EPHA6: variants seen among roughly 807,000 people sequenced by gnomAD.
EPHA6 encodes the protein EPH receptor A6.
A neutral mutation model predicts 112.0 loss-of-function variants in EPHA6; 50 were observed. The observed-to-expected ratio is 0.45, with a 90% CI of 0.36 to 0.56. EPHA6 has a LOEUF of 0.56. EPHA6 is among the 20% of genes least tolerant of loss of function. EPHA6 has a pLI of 0.00. For missense variants in EPHA6, 1,280 were observed against 1,417.4 expected, an observed-to-expected ratio of 0.90 and a Z score of 1.56; for synonymous variants, 529 against 490.7, an observed-to-expected ratio of 1.08 and a Z score of -1.03.
At chr3:97,201,407 T>C (rs1340933835) in intron 3 of EPHA6, among the ~76,000 whole-genome samples, 1 of 152,120 alleles carries the variant, frequency 6.6e-6, no homozygotes, top group East Asian at 1.9e-4. Flanking sequence ...ATAGGAAAAT[T>C]GAAAGTTACC....
chr3:97,443,316 C>A (rs1168396231), intron 6 of EPHA6, among the ~76,000 whole-genome samples: 4 of 147,502 alleles, frequency 2.7e-5, no homozygotes, highest in African/African-American at 1.0e-4. Flanking sequence ...AGTCCTCTAG[C>A]CAGTAGAACA....
chr3:97,700,009 T>G (rs2033282565), intron 14 of EPHA6, among the ~76,000 whole-genome samples: 1 of 152,188 alleles, frequency 6.6e-6, no homozygotes, highest in East Asian at 1.9e-4. Context: ...CCAGGGCAAC[T>G]GGATGGAGGG....
rs745721319 is a variant in EPHA6 at position 97,624,202 on chromosome 3, A to G, written c.2574+13348A>G. On this transcript the variant is annotated intron_variant, in intron 13 of 17. Coordinates refer to ENST00000389672, the MANE Select transcript of EPHA6 (RefSeq NM_001080448.3). The stretch of plus-strand genomic sequence containing the variant: ...CATACATATAGCTTTTATTATGTCA[A>G]AGTAATTTTCTTTTATTCCTAGCTT... Among the ~76,000 whole-genome samples, 8 of 151,636 alleles carry G rather than the reference A, an allele frequency of 5.3e-5. No homozygotes were observed. In the East Asian group the frequency reaches 9.7e-4, roughly 18 times the overall value.
Position 97,217,436 on chromosome 3 carries a change from A to G in EPHA6, c.1115-8828A>G, listed in dbSNP as rs74466504. 9.1e-4 allele frequency among the ~76,000 whole-genome samples: 138 copies of G among 152,328 alleles called. 1 individual carries two copies. The highest frequency in any genetic ancestry group is 6.8e-3 in the Middle Eastern group (2 of 294). On this transcript the variant is annotated intron_variant, in intron 3 of 17. Coordinates refer to ENST00000389672, the MANE Select transcript of EPHA6 (RefSeq NM_001080448.3). Reference sequence around the variant, plus strand: ...TAGCAAGGTAGAATTAAACCTAAGAATATCAATAATCACATTAAATATAAA... The same window carrying G: ...TAGCAAGGTAGAATTAAACCTAAGAGTATCAATAATCACATTAAATATAAA...
rs370044241 is a variant in EPHA6 at position 96,970,690 on chromosome 3, T to C, written c.451-16640T>C. On this transcript the variant is annotated intron_variant, in intron 2 of 17. Coordinates refer to ENST00000389672, the MANE Select transcript of EPHA6 (RefSeq NM_001080448.3). ...GAGGCTTGTGTGGGAAGCTCTATGATGAAAAGACAACGTCCTTGTCCTAAC... is the reference window on the plus strand; with the variant it reads ...GAGGCTTGTGTGGGAAGCTCTATGACGAAAAGACAACGTCCTTGTCCTAAC... Among the ~76,000 whole-genome samples, 23 of 152,226 alleles carry C rather than the reference T, an allele frequency of 1.5e-4. No individual in the cohort carries two copies. The East Asian group carries it at 4.2e-3, about 28-fold the overall frequency.
At chr3:97,639,554 T>A (rs1275810211) in intron 14 of EPHA6, among the ~76,000 whole-genome samples, 1 of 152,116 alleles carries the variant, frequency 6.6e-6, no homozygotes, top group Non-Finnish European at 1.5e-5. Flanking sequence ...TGATGGGAAA[T>A]TACTACACTC....
intron 14 of EPHA6, among the ~76,000 whole-genome samples, chr3:97,641,043 C>A (rs2093999194): frequency 6.6e-6 from 1 of 152,086 alleles, no homozygotes; most frequent in Admixed American, 6.5e-5. Flanking sequence ...TTAAAGATGG[C>A]ACTAATATTT....
chr3:97,082,699 G>A (rs1460144752), intron 3 of EPHA6, among the ~76,000 whole-genome samples: 1 of 151,812 alleles, frequency 6.6e-6, no homozygotes, highest in African/African-American at 2.4e-5. Context: ...AGAAGAATCA[G>A]TGATATGCGT....
intron 3 of EPHA6, among the ~76,000 whole-genome samples, chr3:97,204,077 G>C (rs943571564): frequency 6.6e-6 from 1 of 152,038 alleles, no homozygotes; most frequent in Non-Finnish European, 1.5e-5. Context: ...TTTTTACTAA[G>C]TGACAGTGTA....
intron 5 of EPHA6, among the ~76,000 whole-genome samples, chr3:97,399,656 A>G (rs1577243287): frequency 6.6e-6 from 1 of 151,446 alleles, no homozygotes; most frequent in Non-Finnish European, 1.5e-5. Flanking sequence ...GTTTATTGTA[A>G]TTTTGATTTA....
At chr3:97,082,350 T>C (rs2046748745) in intron 3 of EPHA6, among the ~76,000 whole-genome samples, 1 of 151,956 alleles carries the variant, frequency 6.6e-6, no homozygotes, top group Non-Finnish European at 1.5e-5. Context: ...ATGTGCTAAA[T>C]AGCGTGTTAT....
chr3:97,759,423 G>T lies in EPHA6; in HGVS notation c.*10722G>T. On this transcript the variant is annotated 3_prime_UTR_variant, in exon 18 of 18. Coordinates refer to ENST00000389672, the MANE Select transcript of EPHA6 (RefSeq NM_001080448.3). ...AGCAAGAGAAATAGGATAATAGCTG[G>T]AGAAAGGAAGTCAAGGAATTGTCTT... 1 of 227,144 alleles carries T rather than the reference G, an allele frequency of 4.4e-6. No individual in the cohort carries two copies. Among genetic ancestry groups the T allele is most frequent in the East Asian group, 6.3e-5 (1 of 15,828 alleles). The allele number at this position is 227,144 out of a possible 1,614,324, so 14.1% of individuals were successfully genotyped here.
At chr3:96,819,341 T>C (rs1028737470) in intron 1 of EPHA6, among the ~76,000 whole-genome samples, 4 of 152,068 alleles carry the variant, frequency 2.6e-5, no homozygotes, top group Non-Finnish European at 5.9e-5. Flanking sequence ...CTTCTTTGTT[T>C]CTTCACTAAT....
At chr3:96,837,027 T>C (rs2034458980) in intron 1 of EPHA6, among the ~76,000 whole-genome samples, 1 of 151,896 alleles carries the variant, frequency 6.6e-6, no homozygotes. Context: ...AAAAAGAAAA[T>C]GGCACTATGT....
chr3:97,424,680 C>A (rs1449101954), intron 6 of EPHA6, among the ~76,000 whole-genome samples: 1 of 151,784 alleles, frequency 6.6e-6, no homozygotes, highest in Non-Finnish European at 1.5e-5. Flanking sequence ...GTGGTGGGCA[C>A]CTGTAATCCC....
At chr3:97,027,386 T>C (rs2856472) in intron 3 of EPHA6, among the ~76,000 whole-genome samples, 142,037 of 152,040 alleles carry the variant, frequency 0.93, 66,415 homozygotes, top group East Asian at 0.98. Context: ...AACAAACCCC[T>C]ATGACACAAG....
At chr3:97,014,752 G>A (rs1323690016) in intron 3 of EPHA6, among the ~76,000 whole-genome samples, 1 of 152,136 alleles carries the variant, frequency 6.6e-6, no homozygotes, top group African/African-American at 2.4e-5. Flanking sequence ...ACTTCAAAGG[G>A]ATGATGATCA....
At chr3:97,032,641 C>G (rs1187384549) in intron 3 of EPHA6, among the ~76,000 whole-genome samples, 1 of 151,814 alleles carries the variant, frequency 6.6e-6, no homozygotes, top group Non-Finnish European at 1.5e-5. Flanking sequence ...AAAGTATTTA[C>G]TTTCACCTGT....
chr3:97,494,866 G>A (rs988476156), intron 10 of EPHA6, among the ~76,000 whole-genome samples: 13 of 152,134 alleles, frequency 8.5e-5, no homozygotes, highest in African/African-American at 3.1e-4. Context: ...TCTTTGTTCA[G>A]CCTAAATTGT....
Sources: allele counts gnomAD v4.1 joint callset (sites outside exome capture counted in the v4.1 genomes callset), GRCh38; gene constraint gnomAD v4.1.1; transcripts MANE v1.5; gene names NCBI Gene and HGNC (gene_info 2026-07-23, HGNC 2026-07-21).